Variants in TUSC3 observed in about 807,000 individuals in gnomAD.
The protein encoded by TUSC3 is dolichyl-diphosphooligosaccharide--protein glycosyltransferase subunit TUSC3.
TUSC3 carries 45 observed loss-of-function variants against 44.8 expected under a neutral mutation model. That is an observed-to-expected ratio of 1.00 (90% confidence interval 0.79 to 1.29). TUSC3 has a LOEUF of 1.29. Among genes scored for constraint, TUSC3 ranks in the 50% most tolerant of loss-of-function variants. The pLI, the probability that TUSC3 is intolerant of heterozygous loss-of-function variation, is 0.00. For synonymous variants in TUSC3, 212 were observed against 152.9 expected (o/e 1.39, Z -2.85); for missense variants, 519 against 437.9 (o/e 1.19, Z -1.65).
At chr8:15,748,990 G>T in intron 9 of TUSC3, 1 of 345,424 alleles carries the variant, frequency 2.9e-6, no homozygotes, top group East Asian at 7.7e-5. Flanking sequence ...AAATTCAAAG[G>T]CCGCATTATT....
intron 6 of TUSC3, among the ~76,000 whole-genome samples, chr8:15,713,771 C>T (rs1809953829): frequency 6.6e-6 from 1 of 152,042 alleles, no homozygotes; most frequent in African/African-American, 2.4e-5. Context: ...TTAATGACCT[C>T]TTTAAAGACC....
At chr8:15,569,592 G>A (rs1802796687) in intron 1 of TUSC3, among the ~76,000 whole-genome samples, 1 of 152,110 alleles carries the variant, frequency 6.6e-6, no homozygotes, top group African/African-American at 2.4e-5. Context: ...CAGGACATGT[G>A]GGAGAGAAAT....
chr8:15,464,360 G>A (rs1800388022), intron 1 of TUSC3, among the ~76,000 whole-genome samples: 1 of 152,136 alleles, frequency 6.6e-6, no homozygotes, highest in African/African-American at 2.4e-5. Context: ...ATAAATAGCT[G>A]TGCATGACTG....
intron 1 of TUSC3, among the ~76,000 whole-genome samples, chr8:15,567,388 G>T (rs1167398025): frequency 6.6e-6 from 1 of 152,096 alleles, no homozygotes; most frequent in African/African-American, 2.4e-5. Context: ...ATTAGCATAA[G>T]ATCCTTTGCA....
the TUSC3 span, among the ~76,000 whole-genome samples, chr8:15,802,759 C>T: frequency 4.0e-5 from 6 of 151,508 alleles, no homozygotes; most frequent in African/African-American, 1.5e-4. Context: ...AGAAAAAATT[C>T]ATAGGTAACT....
At chr8:15,630,385 CAA>C (rs1805705816) in intron 2 of TUSC3, among the ~76,000 whole-genome samples, 1 of 152,092 alleles carries the variant, frequency 6.6e-6, no homozygotes, top group Admixed American at 6.5e-5. Context: ...TCTCTCCCAA[CAA>C]AATAAAATTT....
the TUSC3 span, among the ~76,000 whole-genome samples, chr8:15,823,560 A>T: frequency 1.3e-5 from 2 of 152,180 alleles, 1 homozygote; most frequent in South Asian, 4.1e-4. Context: ...AGATACCATA[A>T]TGTATTTGAA....
At chr8:15,745,188 T>TTGA (rs1293955996) in intron 8 of TUSC3, among the ~76,000 whole-genome samples, 1 of 152,092 alleles carries the variant, frequency 6.6e-6, no homozygotes, top group African/African-American at 2.4e-5. Flanking sequence ...TAGTCCGTCA[T>TTGA]TGATGTGGTA....
chr8:15,646,615 A>G (rs1039176018), intron 2 of TUSC3, among the ~76,000 whole-genome samples: 1 of 151,974 alleles, frequency 6.6e-6, no homozygotes, highest in Admixed American at 6.6e-5. Context: ...AGTACTGTTC[A>G]TATTTAACCC....
chr8:15,774,261 T>C, the TUSC3 span, among the ~76,000 whole-genome samples: 340 of 152,132 alleles, frequency 2.2e-3, 2 homozygotes, highest in African/African-American at 7.8e-3. Flanking sequence ...TAAGTTGAAG[T>C]CCTGATCCGA....
intron 6 of TUSC3, among the ~76,000 whole-genome samples, chr8:15,727,289 C>G (rs1238120250): frequency 1.3e-5 from 2 of 152,128 alleles, no homozygotes; most frequent in Admixed American, 6.6e-5. Context: ...TTTTGCAATA[C>G]TTACTCATTG....
intron 10 of TUSC3, among the ~76,000 whole-genome samples, chr8:15,758,669 G>T (rs950556555): frequency 3.3e-5 from 5 of 152,018 alleles, no homozygotes; most frequent in Non-Finnish European, 2.9e-5. Context: ...TTCTGAACTG[G>T]CTCTTCATCT....
At chr8:15,698,203 G>A (rs759835949) in intron 6 of TUSC3, among the ~76,000 whole-genome samples, 1 of 152,056 alleles carries the variant, frequency 6.6e-6, no homozygotes, top group Non-Finnish European at 1.5e-5. Context: ...AAGCTGCTGT[G>A]TTAATAATGC....
At chr8:15,848,699 G>T in the TUSC3 span, among the ~76,000 whole-genome samples, 1 of 152,318 alleles carries the variant, frequency 6.6e-6, no homozygotes, top group Non-Finnish European at 1.5e-5. Context: ...ACCTGCTGCT[G>T]TTACAGCAAC....
intron 1 of TUSC3, among the ~76,000 whole-genome samples, chr8:15,464,841 G>A (rs1800393627): frequency 6.6e-6 from 1 of 152,006 alleles, no homozygotes; most frequent in Non-Finnish European, 1.5e-5. Context: ...TAACTTCTTG[G>A]AATCCTTGAA....
intron 6 of TUSC3, among the ~76,000 whole-genome samples, chr8:15,718,481 A>C (rs1434443632): frequency 6.6e-6 from 1 of 152,162 alleles, no homozygotes; most frequent in Non-Finnish European, 1.5e-5. Flanking sequence ...ATATCAAGTC[A>C]AAATGTAGTC....
At position 15,742,094 on chromosome 8, in the gene TUSC3, A is replaced by T. The variant is rs537165254; in HGVS notation, c.863-1444A>T. On this transcript the variant is annotated intron_variant, in intron 7 of 10. Transcript: ENST00000503731. Reference sequence around the variant, plus strand: ...ACCATACTGATGATACAAAACAGTCATTCTCTTAGAATATTCTTTTCAGGC... The same window carrying T: ...ACCATACTGATGATACAAAACAGTCTTTCTCTTAGAATATTCTTTTCAGGC... Among the ~76,000 whole-genome samples, 4 of 152,342 alleles carry T rather than the reference A, an allele frequency of 2.6e-5. No individual in the cohort carries two copies. The South Asian group carries it at 8.3e-4, about 32-fold the overall frequency.
In TUSC3 at chr8:15,678,534, C is replaced by G. The variant is rs1808284861; in HGVS notation, c.798+4698C>G. On this transcript the variant is annotated intron_variant, in intron 6 of 10. Transcript: ENST00000503731. ...AATTAAATATAGTTTTATTTTTAAG[C>G]CAATATCATATGTCTTGTAAACAAT... Among the ~76,000 whole-genome samples the G allele has an allele frequency of 2.0e-5, 3 of 151,990 alleles. No individual in the cohort carries two copies. In the South Asian group the frequency reaches 6.2e-4, roughly 32 times the overall value.
At chr8:15,734,475 T>C (rs868207489) in intron 7 of TUSC3, among the ~76,000 whole-genome samples, 1 of 152,220 alleles carries the variant, frequency 6.6e-6, no homozygotes, top group Non-Finnish European at 1.5e-5. Context: ...TATTTTAATA[T>C]GGAATATAAA....
Sources: allele counts gnomAD v4.1 joint callset (sites outside exome capture counted in the v4.1 genomes callset), GRCh38; gene constraint gnomAD v4.1.1; transcripts MANE v1.5; gene names NCBI Gene and HGNC (gene_info 2026-07-23, HGNC 2026-07-21).